Variants in BCKDHA observed in about 807,000 individuals in gnomAD.
BCKDHA encodes 2-oxoisovalerate dehydrogenase subunit alpha, mitochondrial.
A neutral mutation model predicts 52.2 loss-of-function variants in BCKDHA; 43 were observed. That is an observed-to-expected ratio of 0.82 (90% CI 0.64 to 1.06). The LOEUF (loss-of-function observed/expected upper bound fraction) is 1.06. BCKDHA is among the 50% of genes least tolerant of loss of function. The probability of loss-of-function intolerance (pLI) is 0.00; values close to 1 mark genes in which losing one functional copy is unlikely to be tolerated. For synonymous variants in BCKDHA, 234 were observed against 247.9 expected (o/e 0.94, Z 0.53); for missense variants, 527 against 621.3 (o/e 0.85, Z 1.61).
At chr19:41,419,746 CTTTTTTTTTTTTTTTTTTTTTTTT>C (rs201343587) in intron 5 of BCKDHA, among the ~76,000 whole-genome samples, 98,704 of 132,602 alleles carry the variant, frequency 0.74, 34,727 homozygotes, top group African/African-American at 0.86. Flanking sequence ...GCCCAGCCCA[CTTTTTTTTTTTTTTTTTTTTTTTT>C]TTTTTTTTTG....
In BCKDHA at chr19:41,424,828, C is replaced by T; in HGVS notation, c.*220C>T. On this transcript the variant is annotated 3_prime_UTR_variant, in exon 9 of 9. Transcript: ENST00000269980. ...AGCAGTTGCTGAGGCTCCGTCAGCC[C>T]CCTCTTCACCTGTTGTTACAGTGCC... 1.8e-6 allele frequency: 1 copy of T among 543,686 alleles called. No homozygotes were observed. Among genetic ancestry groups the T allele is most frequent in the Non-Finnish European group, 3.2e-6 (1 of 310,676 alleles). 33.7% of individuals were successfully genotyped at this position (543,686 alleles called of 1,614,324 possible). A position where few individuals can be genotyped will look rare whatever the true frequency, so the allele number is the denominator to read the frequency against.
chr19:41,414,170 G>A lies in BCKDHA; in HGVS notation c.484+13G>A, dbSNP rs774457513. 1.6e-5 allele frequency: 25 copies of A among 1,611,824 alleles called. No individual in the cohort carries two copies. Among genetic ancestry groups the A allele is most frequent in the South Asian group, 9.9e-5 (9 of 91,054 alleles). On this transcript the variant is annotated intron_variant, in intron 4 of 8. Coordinates refer to ENST00000269980, the MANE Select transcript of BCKDHA (RefSeq NM_000709.4). ...TACCGGGAGGCAGGTACGTCTGTCC[G>A]TGGTTTGGCCCTGTGGTCCCCATTG...
chr19:41,423,129 A>AGGAGCAGGAGAAGGCCTGGAG lies in BCKDHA; in HGVS notation c.1129_1149dup (p.Glu377_Arg383dup). The AGGAGCAGGAGAAGGCCTGGAG allele has an allele frequency of 1.9e-6, 3 of 1,560,048 alleles. No individual in the cohort carries two copies. The highest frequency in any genetic ancestry group is 2.6e-6 in the Non-Finnish European group (3 of 1,151,972). On this transcript the variant is annotated inframe_insertion, in exon 8 of 9. Coordinates refer to ENST00000269980, the MANE Select transcript of BCKDHA (RefSeq NM_000709.4). ...CTGCTGAGCCAAGGCTGGTGGGATG[A>AGGAGCAGGAGAAGGCCTGGAG]GGAGCAGGAGAAGGCCTGGAGGAAG...
intron 1 of BCKDHA, among the ~76,000 whole-genome samples, chr19:41,398,148 G>A (rs1599945487): frequency 6.6e-6 from 1 of 152,168 alleles, no homozygotes; most frequent in African/African-American, 2.4e-5. Context: ...GAAAAAACCC[G>A]TTTGCAACTT....
At chr19:41,412,151 C>G (rs2039260599) in intron 3 of BCKDHA, among the ~76,000 whole-genome samples, 1 of 152,058 alleles carries the variant, frequency 6.6e-6, no homozygotes, top group African/African-American at 2.4e-5. Flanking sequence ...TTGTCAGAGC[C>G]CTGCTTGGCT....
At position 41,419,378 on chromosome 19, in the gene BCKDHA, T is replaced by G. The variant is rs925642447; in HGVS notation, c.646+82T>G. 2.0e-6 allele frequency: 3 copies of G among 1,516,142 alleles called. No homozygotes were observed. The Admixed American group carries it at 5.9e-5, about 30-fold the overall frequency. 93.9% of individuals were successfully genotyped at this position (1,516,142 alleles called of 1,614,324 possible). On this transcript the variant is annotated intron_variant, in intron 5 of 8. Transcript: ENST00000269980. ...CAGGCCTCAGCTCTTTTGCCTGCCT[T>G]CTGGGTGGAATTCTGGGTTGGTGAC...
chr19:41,423,237 G>A, intron 8 of BCKDHA, 68 bp downstream of exon 8: 1 of 1,542,350 alleles, frequency 6.5e-7, no homozygotes, highest in Non-Finnish European at 8.7e-7. Context: ...GGAAGGATTT[G>A]TGGAACACCG....
chr19:41,416,435 C>G (rs181540030), intron 4 of BCKDHA, among the ~76,000 whole-genome samples: 1 of 152,322 alleles, frequency 6.6e-6, no homozygotes, highest in East Asian at 1.9e-4. Flanking sequence ...CAGGTAAGAA[C>G]CTGAGTCAAC....
At chr19:41,422,008 T>C (rs542659002) in intron 5 of BCKDHA, among the ~76,000 whole-genome samples, 156 bp from the exon 6 acceptor site, 8 of 152,186 alleles carry the variant, frequency 5.3e-5, no homozygotes, top group Admixed American at 2.6e-4. Context: ...GGTGGGCAGA[T>C]GCTGGGGGGC....
In BCKDHA at chr19:41,418,043, G is replaced by C. The variant is rs535230543; in HGVS notation, c.485-1092G>C. On this transcript the variant is annotated intron_variant, in intron 4 of 8. Transcript: ENST00000269980. ...GAAGGTGGAGGTTGCAGTGAGCTCA[G>C]ATTGCGCCACTGCACTCCAGCCTGG... Among the ~76,000 whole-genome samples, 4 of 137,362 alleles carry C rather than the reference G, an allele frequency of 2.9e-5. No individual in the cohort carries two copies. The East Asian group carries it at 8.8e-4, about 30-fold the overall frequency. 90.1% of individuals were successfully genotyped at this position (137,362 alleles called of 152,430 possible). A position where few individuals can be genotyped will look rare whatever the true frequency, so the allele number is the denominator to read the frequency against.
At chr19:41,403,298 T>G (rs2039157118) in intron 1 of BCKDHA, among the ~76,000 whole-genome samples, 1 of 152,186 alleles carries the variant, frequency 6.6e-6, no homozygotes, top group Admixed American at 6.5e-5. Flanking sequence ...TGGAGTTAAC[T>G]GGCACCATCC....
rs1214763792 is a variant in BCKDHA, at chr19:41,423,063, G to A, written c.1061G>A (p.Trp354Ter). The A allele has an allele frequency of 3.1e-6, 5 of 1,595,574 alleles. No individual in the cohort carries two copies. The highest frequency in any genetic ancestry group is 4.3e-6 in the Non-Finnish European group (5 of 1,171,022). ...AYRSVDEVNY[W>*]DKQDHPISRL... is the part of the protein sequence containing the mutation. ...CGCTCGGTGGATGAGGTCAATTACT[G>A]GGATAAACAGGACCACCCCATCTCC... The change falls in exon 8 of 9, where the codon TGG (tryptophan) becomes TAG (stop). Residue 354 changes from tryptophan (W) to a stop codon, truncating the protein, a stop_gained. Transcript: ENST00000269980. LOFTEE classifies it high-confidence loss of function.
At chr19:41,414,182 T>C in intron 4 of BCKDHA, 25 bp downstream of exon 4, 1 of 1,599,518 alleles carries the variant, frequency 6.3e-7, no homozygotes, top group East Asian at 2.2e-5. Flanking sequence ...GGTTTGGCCC[T>C]GTGGTCCCCA....
At chr19:41,422,543 C>CT in intron 6 of BCKDHA, 86 bp from the exon 7 acceptor site, 1 of 1,600,890 alleles carries the variant, frequency 6.2e-7, no homozygotes, top group Non-Finnish European at 8.5e-7. Flanking sequence ...GCCTTGCTCT[C>CT]TGTCCTCTCC....
intron 5 of BCKDHA, among the ~76,000 whole-genome samples, chr19:41,421,516 G>A (rs1485143054): frequency 1.3e-5 from 2 of 152,134 alleles, no homozygotes; most frequent in African/African-American, 4.8e-5. Flanking sequence ...GAGGAGCTGG[G>A]AGGAGCCCAG....
intron 3 of BCKDHA, 82 bp downstream of exon 3, chr19:41,411,091 C>T: frequency 1.4e-6 from 2 of 1,441,574 alleles, no homozygotes; most frequent in Non-Finnish European, 1.9e-6. Flanking sequence ...GAATGGCTCC[C>T]AAGGAGGACA....
intron 1 of BCKDHA, among the ~76,000 whole-genome samples, chr19:41,408,200 T>A (rs1217262280): frequency 6.6e-6 from 1 of 151,760 alleles, no homozygotes; most frequent in Non-Finnish European, 1.5e-5. Flanking sequence ...CATGTGATCC[T>A]CCTGCCTTGG....
chr19:41,408,303 A>C (rs1004199044), intron 1 of BCKDHA, among the ~76,000 whole-genome samples: 17 of 136,602 alleles, frequency 1.2e-4, no homozygotes. Context: ...GGTGCAGGTT[A>C]TTTTACCTCC....
chr19:41,422,449 C>T (rs1208244750), intron 6 of BCKDHA, 79 bp downstream of exon 6: 1 of 1,586,978 alleles, frequency 6.3e-7, no homozygotes, highest in Non-Finnish European at 8.6e-7. Context: ...TCCTGCCACC[C>T]CTACCCTCCT....
Sources: allele counts gnomAD v4.1 joint callset (sites outside exome capture counted in the v4.1 genomes callset), GRCh38; gene constraint gnomAD v4.1.1; transcripts MANE v1.5; gene names NCBI Gene and HGNC (gene_info 2026-07-23, HGNC 2026-07-21).